The following DUSP16 variants were observed in gnomAD, a reference collection of about 807,000 sequenced individuals.
The protein encoded by DUSP16 is dual specificity phosphatase 16, also known as dual specificity protein phosphatase 16.
Under a neutral mutation model 58.3 loss-of-function variants are expected in DUSP16, and 21 were observed. That is an observed-to-expected ratio of 0.36 (90% CI 0.26 to 0.52). DUSP16 has a LOEUF of 0.52. Ranked by LOEUF, DUSP16 falls within the 20% of genes least tolerant of loss-of-function variation. The pLI is 0.94. For missense variants in DUSP16, 726 were observed against 819.0 expected, an observed-to-expected ratio of 0.89 and a Z score of 1.39; for synonymous variants, 320 against 323.8, an observed-to-expected ratio of 0.99 and a Z score of 0.12.
chr12:12,552,283 T>G (rs781587687), intron 1 of DUSP16, among the ~76,000 whole-genome samples: 1 of 151,834 alleles, frequency 6.6e-6, no homozygotes, highest in Non-Finnish European at 1.5e-5. Flanking sequence ...CCATCTCTAC[T>G]AAAAATATAA....
chr12:12,495,712 T>C (rs1051093344), intron 4 of DUSP16, among the ~76,000 whole-genome samples: 5 of 152,250 alleles, frequency 3.3e-5, no homozygotes, highest in Admixed American at 3.3e-4. Flanking sequence ...CCACAGGCAT[T>C]TCAATTCTAG....
intron 1 of DUSP16, among the ~76,000 whole-genome samples, chr12:12,551,373 G>A (rs941878767): frequency 2.6e-5 from 4 of 151,274 alleles, no homozygotes; most frequent in African/African-American, 4.9e-5. Flanking sequence ...AGGCGTGGTG[G>A]TGCGTGTAAT....
chr12:12,554,599 T>C (rs918433772), intron 1 of DUSP16: 6 of 152,240 alleles, frequency 3.9e-5, no homozygotes, highest in African/African-American at 1.4e-4. Context: ...TTCCCACTTC[T>C]GTGTGTTTGT....
chr12:12,477,288 TGTG>T lies in DUSP16; in HGVS notation c.1540_1542del (p.His514del). 1 of 1,614,176 alleles carries T rather than the reference TGTG, an allele frequency of 6.2e-7. No individual in the cohort carries two copies. Among genetic ancestry groups the T allele is most frequent in the Non-Finnish European group, 8.5e-7 (1 of 1,180,024 alleles). On this transcript the variant is annotated inframe_deletion, in exon 7 of 7. Transcript: ENST00000298573. The surrounding 1 kb of genome is among the most constrained non-coding windows in gnomAD (Gnocchi z 4.1). ...GTGGAAAGGCCGAAAAGGAAGCTGG[TGTG>T]GTAATTGTCCTCCACGCTCCCACTT...
chr12:12,500,479 A>G (rs368221216), intron 4 of DUSP16, 40 bp downstream of exon 4: 88 of 1,569,710 alleles, frequency 5.6e-5, no homozygotes, highest in Non-Finnish European at 6.8e-5. Context: ...CCAGCTAACA[A>G]TATAAACCCA....
intron 1 of DUSP16, among the ~76,000 whole-genome samples, chr12:12,525,731 T>TAC (rs35552389): frequency 0.053 from 7,742 of 146,136 alleles, 437 homozygotes; most frequent in African/African-American, 0.15. Context: ...AATATATGTA[T>TAC]ACACACACAC....
At position 12,477,565 on chromosome 12, in the gene DUSP16, TGAG is replaced by T. The variant is rs1219943410; in HGVS notation, c.1263_1265del (p.Ser423del). ...TGTAGTATTCCAAAGCATCTTCTGA[TGAG>T]GAGAAGCCATGTAAGGATGCTGCCA... On this transcript the variant is annotated inframe_deletion, in exon 7 of 7. Coordinates refer to ENST00000298573, the MANE Select transcript of DUSP16 (RefSeq NM_030640.3). The surrounding 1 kb of genome is among the most constrained non-coding windows in gnomAD (Gnocchi z 4.1). The T allele has an allele frequency of 1.1e-5, 17 of 1,613,362 alleles. No homozygotes were observed. Among genetic ancestry groups the T allele is most frequent in the African/African-American group, 1.3e-5 (1 of 74,938 alleles).
intron 1 of DUSP16, among the ~76,000 whole-genome samples, chr12:12,529,392 G>A (rs1368720737): frequency 6.6e-6 from 1 of 152,194 alleles, no homozygotes; most frequent in Non-Finnish European, 1.5e-5. Context: ...TTACAGGCGT[G>A]AGCCACTGTG....
At chr12:12,534,628 C>T (rs1018920674) in intron 1 of DUSP16, among the ~76,000 whole-genome samples, 1 of 152,198 alleles carries the variant, frequency 6.6e-6, no homozygotes, top group African/African-American at 2.4e-5. Flanking sequence ...AACCAAGCCT[C>T]TTCCTGTCTG....
intron 1 of DUSP16, among the ~76,000 whole-genome samples, chr12:12,547,070 A>C (rs1037037663): frequency 1.3e-5 from 2 of 152,238 alleles, no homozygotes; most frequent in African/African-American, 4.8e-5. Context: ...ATGAAAATAT[A>C]GCTGTTCTTA....
chr12:12,512,080 C>G (rs1174644916), intron 3 of DUSP16, among the ~76,000 whole-genome samples: 1 of 152,188 alleles, frequency 6.6e-6, no homozygotes, highest in Non-Finnish European at 1.5e-5. Context: ...ACATGACTGA[C>G]TCTCCACACT....
chr12:12,512,063 G>A (rs1350570905), intron 3 of DUSP16, among the ~76,000 whole-genome samples: 1 of 152,090 alleles, frequency 6.6e-6, no homozygotes, highest in Non-Finnish European at 1.5e-5. Flanking sequence ...CTGGTAGCTG[G>A]GAAGAGACAT....
chr12:12,488,187 CCT>C (rs1943711538), intron 4 of DUSP16, among the ~76,000 whole-genome samples: 1 of 152,154 alleles, frequency 6.6e-6, no homozygotes, highest in Non-Finnish European at 1.5e-5. Context: ...GTATACCCAC[CCT>C]CTGTTCACAC....
At chr12:12,521,503 C>CA in intron 1 of DUSP16, 40 bp from the exon 2 acceptor site, 3 of 941,082 alleles carry the variant, frequency 3.2e-6, no homozygotes, top group Non-Finnish European at 2.6e-6. Context: ...AACGTGAGGT[C>CA]AAAAAAAGAA....
intron 1 of DUSP16, among the ~76,000 whole-genome samples, chr12:12,559,625 A>C (rs1944864979): frequency 6.6e-6 from 1 of 152,192 alleles, no homozygotes; most frequent in South Asian, 2.1e-4. Context: ...AATTCTAGCA[A>C]ATTATATTTA....
chr12:12,561,157 G>C (rs1944896462), intron 1 of DUSP16: 1 of 152,074 alleles, frequency 6.6e-6, no homozygotes, highest in Non-Finnish European at 1.5e-5. Flanking sequence ...CTTCCCTTTG[G>C]TTCAAGGGGA....
At chr12:12,507,328 G>A (rs983844323) in intron 3 of DUSP16, among the ~76,000 whole-genome samples, 3 of 152,162 alleles carry the variant, frequency 2.0e-5, no homozygotes, top group Non-Finnish European at 2.9e-5. Context: ...GAGACAGAGG[G>A]CCTTTCCACT....
At chr12:12,557,920 C>A (rs1440594886) in intron 1 of DUSP16, among the ~76,000 whole-genome samples, 1 of 152,198 alleles carries the variant, frequency 6.6e-6, no homozygotes, top group African/African-American at 2.4e-5. Context: ...TCGCCTCCCC[C>A]ACTTCCCTCT....
Position 12,487,069 on chromosome 12 carries a change from TCA to T in DUSP16, c.648_649del (p.Cys216Ter). 1 of 1,614,154 alleles carries T rather than the reference TCA, an allele frequency of 6.2e-7. No individual in the cohort carries two copies. Among genetic ancestry groups the T allele is most frequent in the Non-Finnish European group, 8.5e-7 (1 of 1,180,010 alleles). On this transcript the variant is annotated stop_gained and frameshift_variant, in exon 5 of 7. Transcript: ENST00000298573. LOFTEE classifies it high-confidence loss of function. ...TTTGTCCAACCACGGCAAAATTTTC[TCA>T]CAAAAGCTGTCATTCACAGGCACAC... is the stretch of plus-strand genomic sequence containing the variant.
Sources: allele counts gnomAD v4.1 joint callset (sites outside exome capture counted in the v4.1 genomes callset), GRCh38; gene constraint gnomAD v4.1.1; non-coding constraint Gnocchi (gnomAD v3.1); transcripts MANE v1.5; gene names NCBI Gene and HGNC (gene_info 2026-07-23, HGNC 2026-07-21).